COX10: variants seen among roughly 807,000 people sequenced by gnomAD.
The protein encoded by COX10 is cytochrome c oxidase assembly factor heme A:farnesyltransferase COX10.
COX10 carries 27 observed loss-of-function variants against 37.3 expected under a neutral mutation model. That is an observed-to-expected ratio of 0.72 (90% CI 0.53 to 1.00). The LOEUF is 1.00. Ranked by LOEUF, COX10 falls within the 50% of genes least tolerant of loss-of-function variation. The pLI is 0.00. For missense variants in COX10, 475 were observed against 563.2 expected, an observed-to-expected ratio of 0.84 and a Z score of 1.59; for synonymous variants, 222 against 229.1, an observed-to-expected ratio of 0.97 and a Z score of 0.28.
intron 4 of COX10, among the ~76,000 whole-genome samples, chr17:14,158,293 G>GTCAAAGT (rs1468262994): frequency 6.6e-6 from 1 of 151,800 alleles, no homozygotes; most frequent in East Asian, 1.9e-4. Context: ...GGAAACATAT[G>GTCAAAGT]TCAAAGTTTT....
At chr17:14,119,680 C>T (rs1916188640) in intron 4 of COX10, among the ~76,000 whole-genome samples, 1 of 151,940 alleles carries the variant, frequency 6.6e-6, no homozygotes, top group South Asian at 2.1e-4. Flanking sequence ...GGGTTCTGGG[C>T]AGAGTGAATA....
At chr17:14,198,456 G>A (rs570180296) in intron 6 of COX10, among the ~76,000 whole-genome samples, 3 of 152,104 alleles carry the variant, frequency 2.0e-5, no homozygotes, top group Admixed American at 6.6e-5. Flanking sequence ...CCCATGTTTC[G>A]GGAGTGTATG....
chr17:14,147,067 C>G (rs544828413), intron 4 of COX10, among the ~76,000 whole-genome samples: 1 of 151,938 alleles, frequency 6.6e-6, no homozygotes, highest in Non-Finnish European at 1.5e-5. Flanking sequence ...ATTAGTAGAC[C>G]CAATATGGAG....
intron 5 of COX10, among the ~76,000 whole-genome samples, chr17:14,173,038 ATTTG>A (rs374207533): frequency 0.012 from 1,859 of 152,178 alleles, 14 homozygotes; most frequent in Middle Eastern, 0.044. Flanking sequence ...CAATGGCATT[ATTTG>A]TTTGTTTGTT....
chr17:14,096,862 G>T (rs893736539), intron 3 of COX10, among the ~76,000 whole-genome samples: 3 of 152,024 alleles, frequency 2.0e-5, no homozygotes, highest in African/African-American at 7.2e-5. Flanking sequence ...GGAGAAGCTT[G>T]AGGTTCTCTA....
At chr17:14,127,918 A>AGTGT (rs1183412636) in intron 4 of COX10, among the ~76,000 whole-genome samples, 2 of 115,454 alleles carry the variant, frequency 1.7e-5, no homozygotes, top group Admixed American at 1.1e-4. Context: ...AATCTTTAAG[A>AGTGT]GTGTGTGTAT....
intron 5 of COX10, among the ~76,000 whole-genome samples, chr17:14,180,509 C>G (rs1406513298): frequency 6.6e-6 from 1 of 152,158 alleles, no homozygotes; most frequent in Non-Finnish European, 1.5e-5. Flanking sequence ...ACTCCTTTCT[C>G]TCATCATGAG....
intron 3 of COX10, among the ~76,000 whole-genome samples, chr17:14,083,763 A>T (rs1036060441): frequency 3.9e-5 from 6 of 152,230 alleles, no homozygotes; most frequent in African/African-American, 1.4e-4. Flanking sequence ...TCTCTTGCCA[A>T]CTGAGCTATT....
chr17:14,136,691 A>G (rs746472818), intron 4 of COX10, among the ~76,000 whole-genome samples: 1 of 152,058 alleles, frequency 6.6e-6, no homozygotes, highest in Non-Finnish European at 1.5e-5. Flanking sequence ...TAGCAGAACA[A>G]GAACTTCAGC....
chr17:14,094,591 T>C (rs1650494598), intron 3 of COX10, among the ~76,000 whole-genome samples: 1 of 152,186 alleles, frequency 6.6e-6, no homozygotes, highest in South Asian at 2.1e-4. Context: ...TCTACATTTA[T>C]TAAAGGGTTG....
chr17:14,095,559 T>C (rs1387214226), intron 3 of COX10, among the ~76,000 whole-genome samples: 1 of 152,196 alleles, frequency 6.6e-6, no homozygotes, highest in Non-Finnish European at 1.5e-5. Context: ...TGAAGCACAT[T>C]ACCACAAATT....
At chr17:14,082,951 C>G (rs1915329089) in intron 3 of COX10, among the ~76,000 whole-genome samples, 1 of 152,194 alleles carries the variant, frequency 6.6e-6, no homozygotes, top group South Asian at 2.1e-4. Flanking sequence ...GCAGCGAGTA[C>G]TAGTCCCAGA....
intron 6 of COX10, among the ~76,000 whole-genome samples, chr17:14,195,031 G>A (rs1333582263): frequency 6.6e-6 from 1 of 152,194 alleles, no homozygotes; most frequent in Non-Finnish European, 1.5e-5. Flanking sequence ...GGGGCACACA[G>A]TAACAACATG....
intron 3 of COX10, among the ~76,000 whole-genome samples, chr17:14,085,490 G>A (rs1421066952): frequency 6.6e-6 from 1 of 151,768 alleles, no homozygotes; most frequent in Admixed American, 6.6e-5. Context: ...CTTACTTCTT[G>A]CTATTAAAAA....
chr17:14,152,912 C>T (rs1456164832), intron 4 of COX10, among the ~76,000 whole-genome samples: 2 of 152,188 alleles, frequency 1.3e-5, no homozygotes, highest in Non-Finnish European at 2.9e-5. Context: ...CCCAGCACTG[C>T]TCCAGGCCAA....
At chr17:14,095,211 C>T (rs138904544) in intron 3 of COX10, among the ~76,000 whole-genome samples, 122 of 152,284 alleles carry the variant, frequency 8.0e-4, no homozygotes, top group African/African-American at 2.9e-3. Context: ...AAAGGATTTA[C>T]ATTAGGAGAG....
intron 6 of COX10, among the ~76,000 whole-genome samples, chr17:14,205,970 T>G (rs557809344): frequency 3.3e-5 from 5 of 152,118 alleles, no homozygotes; most frequent in Non-Finnish European, 7.4e-5. Context: ...TGTTGAAAAA[T>G]TACAAAGCCA....
chr17:14,169,906 G>A (rs1242544515), intron 5 of COX10, among the ~76,000 whole-genome samples: 1 of 152,144 alleles, frequency 6.6e-6, no homozygotes, highest in Non-Finnish European at 1.5e-5. Flanking sequence ...GAATGGCTTG[G>A]TGCTGTTGTC....
chr17:14,107,069 T>C (rs1350594207), intron 4 of COX10, among the ~76,000 whole-genome samples: 2 of 152,076 alleles, frequency 1.3e-5, no homozygotes, highest in Admixed American at 6.6e-5. Context: ...GCAGAGTGCA[T>C]CCCAGCACCC....
Sources: gnomAD v4.1 joint callset for allele counts (sites outside exome capture counted in the v4.1 genomes callset) on GRCh38, gnomAD v4.1.1 for gene constraint, MANE v1.5 for transcripts, NCBI Gene and HGNC (gene_info 2026-07-23, HGNC 2026-07-21) for gene names.